PEX14: variants seen among roughly 807,000 people sequenced by gnomAD.
PEX14 encodes peroxisomal membrane protein PEX14.
In PEX14, 15 loss-of-function variants were observed where a neutral mutation model predicts 49.5. The ratio of observed to expected loss-of-function variants is 0.30; its 90% CI spans 0.20 to 0.47. The LOEUF (loss-of-function observed/expected upper bound fraction) is 0.47. Ranked by LOEUF, PEX14 falls within the 20% of genes least tolerant of loss-of-function variation. The probability of loss-of-function intolerance (pLI) is 1.00; values close to 1 mark genes in which losing one functional copy is unlikely to be tolerated. For missense variants in PEX14, 398 were observed against 494.8 expected, an observed-to-expected ratio of 0.80 and a Z score of 1.86; for synonymous variants, 210 against 212.7, an observed-to-expected ratio of 0.99 and a Z score of 0.11.
At chr1:10,478,103 G>C (rs1442498201) in intron 1 of PEX14, among the ~76,000 whole-genome samples, 2 of 151,972 alleles carry the variant, frequency 1.3e-5, no homozygotes, top group East Asian at 3.9e-4. Context: ...GGACAAGCTG[G>C]TCTCAAACTC....
intron 4 of PEX14, among the ~76,000 whole-genome samples, chr1:10,616,105 G>GT (rs774593719): frequency 7.8e-4 from 119 of 152,306 alleles, no homozygotes; most frequent in Admixed American, 1.2e-3. Flanking sequence ...CAGGGAGGGA[G>GT]TTTGGTGGCC....
chr1:10,532,170 C>T (rs988117242), intron 2 of PEX14, among the ~76,000 whole-genome samples: 27 of 152,134 alleles, frequency 1.8e-4, no homozygotes, highest in African/African-American at 6.5e-4. Context: ...ACCTGAAGTC[C>T]CCCCCGCTTT....
In PEX14 at chr1:10,613,137, G is replaced by A. The variant is rs479407; in HGVS notation, c.299-5195G>A. ...TGTGGATCGGTCTGTGACTTGCTCAGCAAGGTTTCAGGCTCAACATTGCCG... is the reference window on the plus strand; with the variant it reads ...TGTGGATCGGTCTGTGACTTGCTCAACAAGGTTTCAGGCTCAACATTGCCG... On this transcript the variant is annotated intron_variant, in intron 4 of 8. Coordinates refer to ENST00000356607, the MANE Select transcript of PEX14 (RefSeq NM_004565.3). The surrounding 1 kb of genome is among the most constrained non-coding windows in gnomAD (Gnocchi z 5.0). 0.88 allele frequency among the ~76,000 whole-genome samples: 133,714 copies of A among 151,980 alleles called. 58,997 individuals carry two copies. The highest frequency in any genetic ancestry group is 0.94 in the Middle Eastern group (277 of 294).
intron 2 of PEX14, among the ~76,000 whole-genome samples, chr1:10,501,233 C>T (rs1299214062): frequency 1.3e-5 from 2 of 152,172 alleles, no homozygotes; most frequent in African/African-American, 2.4e-5. Flanking sequence ...GAATGTCTGT[C>T]GGGATGCAAG....
chr1:10,507,876 C>A (rs1185150283), intron 2 of PEX14, among the ~76,000 whole-genome samples: 1 of 152,234 alleles, frequency 6.6e-6, no homozygotes, highest in Admixed American at 6.5e-5. Flanking sequence ...GCAAAGTTCA[C>A]CTGCTTTGAA....
At chr1:10,621,342 CT>C (rs930417764) in intron 5 of PEX14, among the ~76,000 whole-genome samples, 3,434 of 108,006 alleles carry the variant, frequency 0.032, 63 homozygotes, top group African/African-American at 0.11. Flanking sequence ...TATATGAATT[CT>C]TTTTTTTTTT....
intron 3 of PEX14, among the ~76,000 whole-genome samples, chr1:10,546,366 G>C (rs545435920): frequency 7.3e-5 from 11 of 151,422 alleles, no homozygotes; most frequent in South Asian, 2.1e-4. Context: ...AGGAGTTTGA[G>C]ACCAGCCTGA....
At chr1:10,561,074 A>C (rs1488037979) in intron 3 of PEX14, among the ~76,000 whole-genome samples, 1 of 151,898 alleles carries the variant, frequency 6.6e-6, no homozygotes, top group Non-Finnish European at 1.5e-5. Context: ...CACACACACA[A>C]ACCCTAATCT....
intron 3 of PEX14, among the ~76,000 whole-genome samples, chr1:10,561,344 T>C (rs1639648742): frequency 6.6e-6 from 1 of 152,248 alleles, no homozygotes; most frequent in South Asian, 2.1e-4. Flanking sequence ...TGTCTCTTTA[T>C]CTAGAACTGC....
At chr1:10,486,360 G>GTTTTCT (rs1641367311) in intron 1 of PEX14, among the ~76,000 whole-genome samples, 1 of 124,130 alleles carries the variant, frequency 8.1e-6, no homozygotes, top group Non-Finnish European at 1.7e-5. Context: ...AGTTTGCTGA[G>GTTTTCT]TTTTTTTTTT....
At chr1:10,483,307 A>G (rs1641313874) in intron 1 of PEX14, among the ~76,000 whole-genome samples, 1 of 151,194 alleles carries the variant, frequency 6.6e-6, no homozygotes, top group Non-Finnish European at 1.5e-5. Flanking sequence ...AGGTGTGAAC[A>G]TGGCCAAGTT....
At chr1:10,489,207 G>A (rs1426684796) in intron 1 of PEX14, among the ~76,000 whole-genome samples, 3 of 150,786 alleles carry the variant, frequency 2.0e-5, no homozygotes, top group East Asian at 3.9e-4. Context: ...TCTCGAACTC[G>A]TGACCTCAGG....
At chr1:10,488,750 G>A (rs1267363525) in intron 1 of PEX14, among the ~76,000 whole-genome samples, 3 of 151,810 alleles carry the variant, frequency 2.0e-5, no homozygotes, top group African/African-American at 7.3e-5. Flanking sequence ...TGATCCATCC[G>A]CCTCGGCCTC....
At chr1:10,521,578 T>G (rs1198382817) in intron 2 of PEX14, among the ~76,000 whole-genome samples, 1 of 152,234 alleles carries the variant, frequency 6.6e-6, no homozygotes, top group East Asian at 1.9e-4. Flanking sequence ...TTAGTTCCAG[T>G]TTACAGATGA....
chr1:10,528,323 C>G, intron 2 of PEX14: 1 of 982,040 alleles, frequency 1.0e-6, no homozygotes, highest in Middle Eastern at 5.2e-4. Flanking sequence ...GAAGCTGAAG[C>G]AGGGTTTCAT....
rs911434812 is a variant in PEX14 at position 10,623,782 on chromosome 1, C to T, written c.488-558C>T. On this transcript the variant is annotated intron_variant, in intron 6 of 8. Transcript: ENST00000356607. The surrounding 1 kb of genome is among the most constrained non-coding windows in gnomAD (Gnocchi z 4.4). The stretch of plus-strand genomic sequence containing the variant: ...GAAACCCTCTGACACGTCCATCCTG[C>T]TGCCGTTTGCTCCTGCGAGGCTGAC... Among the ~76,000 whole-genome samples the T allele has an allele frequency of 6.6e-6, 1 of 152,258 alleles. No homozygotes were observed. Among genetic ancestry groups the T allele is most frequent in the African/African-American group, 2.4e-5 (1 of 41,472 alleles).
intron 2 of PEX14, among the ~76,000 whole-genome samples, chr1:10,527,355 A>G (rs559783595): frequency 2.6e-5 from 4 of 151,200 alleles, no homozygotes; most frequent in Admixed American, 1.3e-4. Flanking sequence ...TGTCTCTACT[A>G]AAAATACAAA....
chr1:10,478,615 C>T (rs1641233713), intron 1 of PEX14, among the ~76,000 whole-genome samples: 1 of 152,158 alleles, frequency 6.6e-6, no homozygotes, highest in Non-Finnish European at 1.5e-5. Context: ...GACAGGGTCT[C>T]ACTCTGTCAC....
chr1:10,502,089 A>G (rs1213788574), intron 2 of PEX14, among the ~76,000 whole-genome samples: 4 of 152,212 alleles, frequency 2.6e-5, no homozygotes, highest in Non-Finnish European at 5.9e-5. Context: ...TAAAATTGTC[A>G]TGATTATCAG....
Sources: gnomAD v4.1 joint callset for allele counts (sites outside exome capture counted in the v4.1 genomes callset) on GRCh38, gnomAD v4.1.1 for gene constraint, Gnocchi (gnomAD v3.1) non-coding constraint, MANE v1.5 for transcripts, NCBI Gene and HGNC (gene_info 2026-07-23, HGNC 2026-07-21) for gene names.